The following SCAPER variants were observed in gnomAD, a reference collection of about 807,000 sequenced individuals.
SCAPER encodes S phase cyclin A-associated protein in the endoplasmic reticulum.
In SCAPER, 98 loss-of-function variants were observed where a neutral mutation model predicts 182.2. That is an observed-to-expected ratio of 0.54 (90% CI 0.46 to 0.64). SCAPER has a LOEUF of 0.64. SCAPER is among the 30% of genes least tolerant of loss of function. SCAPER has a pLI of 0.00. For missense variants in SCAPER, 1,432 were observed against 1,690.0 expected (o/e 0.85, Z 2.68); for synonymous variants, 605 against 564.6 (o/e 1.07, Z -1.01).
intron 29 of SCAPER, among the ~76,000 whole-genome samples, chr15:76,355,102 G>A (rs2040865481): frequency 6.6e-6 from 1 of 152,204 alleles, no homozygotes; most frequent in African/African-American, 2.4e-5. Flanking sequence ...ATTAAAACCA[G>A]AAGGAAAGAA....
chr15:76,676,094 A>AGATTACAGGCGTGAG (rs1168128984), intron 20 of SCAPER, among the ~76,000 whole-genome samples: 1 of 152,132 alleles, frequency 6.6e-6, no homozygotes, highest in Non-Finnish European at 1.5e-5. Context: ...CAAAGTGCCG[A>AGATTACAGGCGTGAG]GATTACAGGC....
At position 76,615,492 on chromosome 15, in the gene SCAPER, GACACACACACAC is replaced by G. The variant is rs200914871; in HGVS notation, c.2711+6260_2711+6271del. ...GTATATATACATACACACACACACA[GACACACACACAC>G]ACACACACACACACACACACACACA... On this transcript the variant is annotated intron_variant, in intron 22 of 31. Coordinates refer to ENST00000563290, the MANE Select transcript of SCAPER (RefSeq NM_020843.4). Among the ~76,000 whole-genome samples the G allele has an allele frequency of 1.8e-3, 248 of 140,766 alleles. 2 individuals carry two copies. The highest frequency in any genetic ancestry group is 5.4e-3 in the African/African-American group (202 of 37,374). The allele number at this position is 140,766 out of a possible 152,430, so 92.3% of individuals were successfully genotyped here. A position where few individuals can be genotyped will look rare whatever the true frequency, so the allele number is the denominator to read the frequency against.
chr15:76,510,906 G>T (rs1207272460), intron 23 of SCAPER, among the ~76,000 whole-genome samples: 2 of 151,174 alleles, frequency 1.3e-5, no homozygotes, highest in African/African-American at 4.9e-5. Flanking sequence ...CGCACGTATG[G>T]AATACTACTC....
At chr15:76,690,994 C>T (rs1307109919) in intron 20 of SCAPER, among the ~76,000 whole-genome samples, 1 of 152,038 alleles carries the variant, frequency 6.6e-6, no homozygotes, top group Non-Finnish European at 1.5e-5. Context: ...AAAGAGGGCT[C>T]TTGATCTTGT....
At chr15:76,488,865 A>T (rs1471497180) in intron 24 of SCAPER, among the ~76,000 whole-genome samples, 1 of 151,042 alleles carries the variant, frequency 6.6e-6, no homozygotes, top group Non-Finnish European at 1.5e-5. Context: ...TGAGACTACA[A>T]GCGCGCATGA....
At chr15:76,415,604 A>G (rs1036149806) in intron 26 of SCAPER, among the ~76,000 whole-genome samples, 1 of 152,236 alleles carries the variant, frequency 6.6e-6, no homozygotes, top group Admixed American at 6.5e-5. Flanking sequence ...GTTTAATTGC[A>G]TAAAAATAAC....
At chr15:76,649,530 G>A (rs935849188) in intron 21 of SCAPER, among the ~76,000 whole-genome samples, 4 of 149,458 alleles carry the variant, frequency 2.7e-5, no homozygotes, top group African/African-American at 7.4e-5. Context: ...CCATGATATG[G>A]AAAAAAATAT....
chr15:76,652,371 CATATATATATATAT>C (rs56164668), intron 21 of SCAPER, among the ~76,000 whole-genome samples: 9 of 8,060 alleles, frequency 1.1e-3, no homozygotes, highest in South Asian at 0.015. Context: ...CACACACACA[CATATATATATATAT>C]ATATATATAT....
intron 22 of SCAPER, among the ~76,000 whole-genome samples, chr15:76,588,024 C>A (rs1422159841): frequency 6.6e-6 from 1 of 152,040 alleles, no homozygotes; most frequent in Non-Finnish European, 1.5e-5. Context: ...CAGGTTCACA[C>A]CATTCTCCTG....
rs550973913 is a variant in SCAPER, at chr15:76,679,146, GACA to G, written c.2509-13360_2509-13358del. On this transcript the variant is annotated intron_variant, in intron 20 of 31. Coordinates refer to ENST00000563290, the MANE Select transcript of SCAPER (RefSeq NM_020843.4). ...TATTCAAACACTATTCAAAAATGAAGACAACAATATAGAAAAATTACTTAATTC... is the reference window on the plus strand; with the variant it reads ...TATTCAAACACTATTCAAAAATGAAGACAATATAGAAAAATTACTTAATTC... 7.2e-5 allele frequency among the ~76,000 whole-genome samples: 11 copies of G among 152,206 alleles called. No individual in the cohort carries two copies. The South Asian group carries it at 2.1e-3, about 29-fold the overall frequency.
At chr15:76,793,737 A>G (rs1114717) in intron 8 of SCAPER, among the ~76,000 whole-genome samples, 124,354 of 152,072 alleles carry the variant, frequency 0.82, 51,600 homozygotes, top group Middle Eastern at 0.91. Flanking sequence ...TCTGTGAGCC[A>G]CTCTAGCAAA....
At chr15:76,857,434 G>GA (rs934139466) in intron 4 of SCAPER, among the ~76,000 whole-genome samples, 89 of 120,536 alleles carry the variant, frequency 7.4e-4, no homozygotes, top group Non-Finnish European at 1.1e-3. Flanking sequence ...CTGTCTCAAA[G>GA]AAAAAAAAAA....
At chr15:76,394,890 T>C (rs945985183) in intron 27 of SCAPER, among the ~76,000 whole-genome samples, 1 of 152,250 alleles carries the variant, frequency 6.6e-6, no homozygotes, top group African/African-American at 2.4e-5. Flanking sequence ...TACAATTAAA[T>C]TATTACTGAC....
At position 76,549,167 on chromosome 15, in the gene SCAPER, T is replaced by C. The variant is rs138571912; in HGVS notation, c.2838+24991A>G. ...AACAGACACTCCTCAAAAGAAGACATTGATGCAAAACCATTGTGGAAGTCA... is the reference window on the plus strand; with the variant it reads ...AACAGACACTCCTCAAAAGAAGACACTGATGCAAAACCATTGTGGAAGTCA... On this transcript the variant is annotated intron_variant, in intron 23 of 31. Transcript: ENST00000563290. Among the ~76,000 whole-genome samples, 137 of 151,732 alleles carry C rather than the reference T, an allele frequency of 9.0e-4. 1 individual carries two copies. The highest frequency in any genetic ancestry group is 2.3e-3 in the African/African-American group (96 of 41,468).
In SCAPER at chr15:76,433,882, G is replaced by C. The variant is rs185308520; in HGVS notation, c.3311+196C>G. Among the ~76,000 whole-genome samples, 620 of 152,320 alleles carry C rather than the reference G, an allele frequency of 4.1e-3. 2 individuals carry two copies. Among genetic ancestry groups the C allele is most frequent in the Non-Finnish European group, 6.1e-3 (416 of 68,026 alleles). On this transcript the variant is annotated intron_variant, in intron 26 of 31. Coordinates refer to ENST00000563290, the MANE Select transcript of SCAPER (RefSeq NM_020843.4). ...CTGCAAAAGAGCCTGAATATCTGAA[G>C]TAAAGTATTAATAGCAGCAATGGAG...
intron 21 of SCAPER, among the ~76,000 whole-genome samples, chr15:76,639,030 C>T (rs886631954): frequency 1.3e-5 from 2 of 152,006 alleles, no homozygotes; most frequent in African/African-American, 2.4e-5. Flanking sequence ...ATAGAAAATG[C>T]CTGTCTTGTT....
chr15:76,654,497 G>A (rs1040597679), intron 21 of SCAPER, among the ~76,000 whole-genome samples: 17 of 152,156 alleles, frequency 1.1e-4, no homozygotes, highest in Admixed American at 2.6e-4. Context: ...TGAGGCTACC[G>A]AGAAAAGAGA....
At chr15:76,371,560 C>T (rs759904019) in intron 29 of SCAPER, among the ~76,000 whole-genome samples, 59 of 151,566 alleles carry the variant, frequency 3.9e-4, no homozygotes, top group Admixed American at 1.5e-3. Context: ...CCCTGTGATC[C>T]GCCCACCCCG....
chr15:76,389,532 G>T (rs1596391763), intron 27 of SCAPER, among the ~76,000 whole-genome samples: 1 of 124,096 alleles, frequency 8.1e-6, no homozygotes, highest in South Asian at 2.6e-4. Flanking sequence ...AAAAAAAAAA[G>T]GCCGGGCGCG....
Sources: allele counts gnomAD v4.1 joint callset (sites outside exome capture counted in the v4.1 genomes callset), GRCh38; gene constraint gnomAD v4.1.1; transcripts MANE v1.5; gene names NCBI Gene and HGNC (gene_info 2026-07-23, HGNC 2026-07-21).